Variants in GPR155 observed in about 807,000 individuals in gnomAD.
GPR155 encodes G protein-coupled receptor 155.
GPR155 carries 65 observed loss-of-function variants against 93.1 expected under a neutral mutation model. The observed-to-expected ratio is 0.70, with a 90% CI of 0.57 to 0.86. The LOEUF is 0.86. Ranked by LOEUF, GPR155 falls within the 40% of genes least tolerant of loss-of-function variation. The pLI is 0.00. For missense variants in GPR155, 838 were observed against 1,034.8 expected (o/e 0.81, Z 2.61); for synonymous variants, 319 against 360.1 (o/e 0.89, Z 1.29).
intron 2 of GPR155, 49 bp from the exon 3 acceptor site, chr2:174,473,413 A>C (rs1559117153): frequency 8.3e-7 from 1 of 1,210,582 alleles, no homozygotes; most frequent in East Asian, 2.3e-5. Context: ...AGAAATACAG[A>C]TATATGTTAT....
chr2:174,454,230 T>C (rs1212289467), intron 10 of GPR155, among the ~76,000 whole-genome samples: 2 of 152,144 alleles, frequency 1.3e-5, no homozygotes, highest in South Asian at 2.1e-4. Flanking sequence ...CTCCGCCTCC[T>C]GGGTTCAAGC....
At chr2:174,485,443 A>G (rs546494747) in intron 1 of GPR155, among the ~76,000 whole-genome samples, 17 of 152,296 alleles carry the variant, frequency 1.1e-4, no homozygotes, top group African/African-American at 4.1e-4. Context: ...CTAAAAAGAC[A>G]AAAATTAGCC....
chr2:174,462,261 A>G (rs1687719521), intron 7 of GPR155, among the ~76,000 whole-genome samples: 2 of 151,894 alleles, frequency 1.3e-5, no homozygotes, highest in South Asian at 4.2e-4. Context: ...CAAAAGCCCT[A>G]ATCATTTTAT....
At chr2:174,460,512 TCTAGAACAGTAG>T (rs1277584574) in intron 9 of GPR155, among the ~76,000 whole-genome samples, 1 of 152,120 alleles carries the variant, frequency 6.6e-6, no homozygotes, top group African/African-American at 2.4e-5. Context: ...TTTTAAATAC[TCTAGAACAGTAG>T]CTCTTTTAAA....
chr2:174,480,324 T>C (rs1050835643), intron 2 of GPR155, among the ~76,000 whole-genome samples: 7 of 152,190 alleles, frequency 4.6e-5, no homozygotes, highest in Admixed American at 2.6e-4. Flanking sequence ...AAATTTAATA[T>C]GTGCAATAAC....
At chr2:174,480,473 T>A (rs1442849091) in intron 2 of GPR155, among the ~76,000 whole-genome samples, 3 of 152,186 alleles carry the variant, frequency 2.0e-5, no homozygotes, top group Non-Finnish European at 1.5e-5. Flanking sequence ...AAAGTATATA[T>A]AACTTTAATT....
chr2:174,446,741 T>G lies in GPR155; in HGVS notation c.1883A>C (p.His628Pro), dbSNP rs368769442. The G allele has an allele frequency of 3.1e-6, 5 of 1,613,630 alleles. No homozygotes were observed. ...PVIPSFEKNN[H>P]CVSRCNSQSC... ...CTGGGAGTTACAGCGACTCACACAA[T>G]GATTGTCTATAAAAGAGTAAGCACA... Residue 628 changes from histidine to proline, a missense_variant, in exon 12 of 16, where the codon CAT becomes CCT. Physicochemically the swap from His to Pro is moderately conservative, Grantham distance 77. This residue lies in a region of GPR155 where 663 missense variants were observed against 790.1 expected (regional missense o/e 0.84). Transcript: ENST00000392552.
At chr2:174,437,689 A>G (rs572059384) in intron 15 of GPR155, among the ~76,000 whole-genome samples, 77 of 147,204 alleles carry the variant, frequency 5.2e-4, no homozygotes, top group Non-Finnish European at 1.0e-3. Flanking sequence ...GGTTCAAGTG[A>G]TTCTCTTGCC....
chr2:174,462,178 T>A (rs1165468294), intron 7 of GPR155, among the ~76,000 whole-genome samples: 1 of 152,126 alleles, frequency 6.6e-6, no homozygotes, highest in Non-Finnish European at 1.5e-5. Context: ...GCTCAGTGGA[T>A]CCTCCCACTT....
rs1357900769 is a variant in GPR155 at position 174,433,219 on chromosome 2, A to T, written c.*2897T>A. 6.6e-6 allele frequency: 1 copy of T among 152,228 alleles called. No individual in the cohort carries two copies. Among genetic ancestry groups the T allele is most frequent in the African/African-American group, 2.4e-5 (1 of 41,460 alleles). The allele number at this position is 152,228 out of a possible 1,614,324, so 9.4% of individuals were successfully genotyped here. On this transcript the variant is annotated 3_prime_UTR_variant, in exon 16 of 16. Coordinates refer to ENST00000392552, the MANE Select transcript of GPR155 (RefSeq NM_152529.7). ...TTTAAAATAAGTTAAACTAGCACTG[A>T]CATCTAATAATTAAGATGCTCAAAG... is the stretch of plus-strand genomic sequence containing the variant.
In GPR155 at chr2:174,481,980, C is replaced by T. The variant is rs748628497; in HGVS notation, c.-24G>A. The T allele has an allele frequency of 2.7e-6, 4 of 1,487,992 alleles. No individual in the cohort carries two copies. The highest frequency in any genetic ancestry group is 9.3e-7 in the Non-Finnish European group (1 of 1,077,452). The allele number at this position is 1,487,992 out of a possible 1,614,324, so 92.2% of individuals were successfully genotyped here. ...ATTTTCTCTCACCCTCCAACTCCAA[C>T]CAGATCTCTGGAAAGAAAGGAAGAA... On this transcript the variant is annotated 5_prime_UTR_variant, in exon 2 of 16. Coordinates refer to ENST00000392552, the MANE Select transcript of GPR155 (RefSeq NM_152529.7).
intron 11 of GPR155, among the ~76,000 whole-genome samples, chr2:174,452,386 T>C (rs545069571): frequency 6.6e-6 from 1 of 152,320 alleles, no homozygotes; most frequent in African/African-American, 2.4e-5. Context: ...GTATACCACA[T>C]ACTGTGCTAA....
intron 14 of GPR155, 131 bp from the exon 15 acceptor site, chr2:174,440,166 G>A: frequency 3.1e-6 from 2 of 647,298 alleles, no homozygotes; most frequent in Non-Finnish European, 5.2e-6. Context: ...ACAATACCCA[G>A]ACATCGTTAG....
chr2:174,464,698 A>G (rs1213977102), intron 7 of GPR155, among the ~76,000 whole-genome samples: 1 of 151,868 alleles, frequency 6.6e-6, no homozygotes, highest in Non-Finnish European at 1.5e-5. Context: ...TTAGACATCA[A>G]GTTGGTCCAT....
chr2:174,459,483 C>T (rs951966769), intron 10 of GPR155, among the ~76,000 whole-genome samples: 1 of 152,198 alleles, frequency 6.6e-6, no homozygotes, highest in African/African-American at 2.4e-5. Context: ...TCATGATATT[C>T]AAACTAGTTC....
chr2:174,474,942 T>TA (rs1171259669), intron 2 of GPR155, among the ~76,000 whole-genome samples: 1 of 151,808 alleles, frequency 6.6e-6, no homozygotes, highest in African/African-American at 2.4e-5. Flanking sequence ...TTGAGAAAGA[T>TA]AAAAAAGAAC....
At chr2:174,474,499 A>G (rs866205300) in intron 2 of GPR155, among the ~76,000 whole-genome samples, 2 of 152,156 alleles carry the variant, frequency 1.3e-5, no homozygotes, top group Non-Finnish European at 2.9e-5. Flanking sequence ...TTGGGAAAAC[A>G]AAAGCTTCAT....
chr2:174,466,477 T>C, intron 6 of GPR155, 67 bp downstream of exon 6: 1 of 895,520 alleles, frequency 1.1e-6, no homozygotes, highest in East Asian at 2.5e-5. Flanking sequence ...AGCAAAGTTA[T>C]TTTCTCCTCT....
intron 7 of GPR155, 30 bp from the exon 8 acceptor site, chr2:174,461,702 G>A (rs1289900103): frequency 8.3e-7 from 1 of 1,203,150 alleles, no homozygotes; most frequent in Non-Finnish European, 1.2e-6. Flanking sequence ...AAGAGAGACA[G>A]TTACTCAACA....
Sources: gnomAD v4.1 joint callset for allele counts (sites outside exome capture counted in the v4.1 genomes callset) on GRCh38, gnomAD v4.1.1 for gene constraint, gnomAD v4.1.1 regional missense constraint, MANE v1.5 for transcripts, NCBI Gene and HGNC (gene_info 2026-07-23, HGNC 2026-07-21) for gene names.